The following UPP2 variants were observed in gnomAD, a reference collection of about 807,000 sequenced individuals.
The protein encoded by UPP2 is UPase 2.
A neutral mutation model predicts 26.7 loss-of-function variants in UPP2; 23 were observed. That is an observed-to-expected ratio of 0.86 (90% confidence interval 0.62 to 1.22). The LOEUF is 1.22. UPP2 is among the 50% of genes most tolerant of loss of function. The pLI is 0.00. For missense variants in UPP2, 387 were observed against 396.7 expected, an observed-to-expected ratio of 0.98 and a Z score of 0.21; for synonymous variants, 127 against 141.3, an observed-to-expected ratio of 0.90 and a Z score of 0.72.
chr2:158,095,916 A>G (rs1185917721), intron 3 of UPP2, among the ~76,000 whole-genome samples: 1 of 152,122 alleles, frequency 6.6e-6, no homozygotes, highest in African/African-American at 2.4e-5. Flanking sequence ...TTTATTTCCA[A>G]TGAAATAGCT....
intron 3 of UPP2, among the ~76,000 whole-genome samples, chr2:158,061,471 AG>A (rs1464944280): frequency 6.6e-6 from 1 of 152,232 alleles, no homozygotes; most frequent in Non-Finnish European, 1.5e-5. Context: ...AACACTGTGT[AG>A]CAGCATTGAC....
chr2:158,031,583 C>G (rs750935188), intron 3 of UPP2, among the ~76,000 whole-genome samples: 51 of 152,186 alleles, frequency 3.4e-4, no homozygotes, highest in Non-Finnish European at 4.9e-4. Flanking sequence ...CGAGCCAGCT[C>G]TATTCTAACA....
In UPP2 at chr2:158,123,858, A is replaced by AG; in HGVS notation, c.775dup (p.Val259GlyfsTer27). The AG allele has an allele frequency of 1.2e-6, 2 of 1,614,100 alleles. No individual in the cohort carries two copies. Among genetic ancestry groups the AG allele is most frequent in the Non-Finnish European group, 1.7e-6 (2 of 1,179,940 alleles). On this transcript the variant is annotated frameshift_variant, in exon 6 of 7. Coordinates refer to ENST00000005756, the MANE Select transcript of UPP2 (RefSeq NM_173355.4). LOFTEE classifies it low-confidence loss of function (END_TRUNC). ...TCAGGAATATTGAAATGGAATCTAC[A>AG]GTGTTTGCAGCTATGTGTGGACTCT...
At chr2:158,101,131 C>T (rs188277736), upstream of UPP2, among the ~76,000 whole-genome samples, 27 of 152,294 alleles carry the variant, frequency 1.8e-4, 1 homozygote, top group East Asian at 3.1e-3. Context: ...GTTCTTGAAG[C>T]TCTCACCAGC....
chr2:158,113,676 T>A (rs1683364636), intron 2 of UPP2, among the ~76,000 whole-genome samples: 1 of 152,230 alleles, frequency 6.6e-6, no homozygotes, highest in Non-Finnish European at 1.5e-5. Flanking sequence ...GAGTAAATCA[T>A]TTGTGAATGG....
intron 3 of UPP2, among the ~76,000 whole-genome samples, chr2:158,075,390 A>G (rs540608254): frequency 3.3e-5 from 5 of 152,166 alleles, no homozygotes; most frequent in Admixed American, 2.0e-4. Context: ...GCTGCAGAAT[A>G]CACATTTTTC....
chr2:158,027,822 T>C (rs535299087), intron 3 of UPP2, among the ~76,000 whole-genome samples: 3 of 152,304 alleles, frequency 2.0e-5, no homozygotes, highest in Non-Finnish European at 2.9e-5. Flanking sequence ...AATTCTTGAC[T>C]TCTGTGCACT....
At chr2:158,109,171 C>T (rs548655486) in intron 2 of UPP2, among the ~76,000 whole-genome samples, 18 of 152,080 alleles carry the variant, frequency 1.2e-4, no homozygotes, top group Non-Finnish European at 1.8e-4. Flanking sequence ...GGACATAATC[C>T]ATCAGTACCT....
chr2:158,101,657 T>C (rs1683077830), upstream of UPP2, among the ~76,000 whole-genome samples: 1 of 152,212 alleles, frequency 6.6e-6, no homozygotes, highest in Non-Finnish European at 1.5e-5. Flanking sequence ...CCATATACAG[T>C]TGTCTCAAAG....
At chr2:158,100,432 A>T (rs1486323022), upstream of UPP2, among the ~76,000 whole-genome samples, 1 of 152,240 alleles carries the variant, frequency 6.6e-6, no homozygotes, top group Non-Finnish European at 1.5e-5. Flanking sequence ...TCAAAGCCAG[A>T]GGTAAATGCC....
chr2:158,071,175 G>A (rs1033665239), intron 3 of UPP2, among the ~76,000 whole-genome samples: 3 of 152,136 alleles, frequency 2.0e-5, no homozygotes, highest in Admixed American at 6.5e-5. Flanking sequence ...AGGGCGGCAC[G>A]TGACCTAGGG....
chr2:158,038,385 GA>G (rs1281218977), intron 3 of UPP2, among the ~76,000 whole-genome samples: 1 of 152,216 alleles, frequency 6.6e-6, no homozygotes, highest in East Asian at 1.9e-4. Context: ...CAAAGAACCA[GA>G]TTGATAACCC....
At position 158,080,548 on chromosome 2, in the gene UPP2, G is replaced by C. The variant is rs564753028; in HGVS notation, c.148-21492G>C. ...ATTTATCCACACACTGATTATACCC[G>C]GAACAATGCATCATTTGGTATATTG... On this transcript the variant is annotated intron_variant, in intron 3 of 9. Transcript: ENST00000605860. 1.0e-3 allele frequency among the ~76,000 whole-genome samples: 158 copies of C among 152,188 alleles called. 1 individual carries two copies. Among genetic ancestry groups the C allele is most frequent in the African/African-American group, 3.6e-3 (149 of 41,534 alleles).
chr2:158,016,177 C>T (rs1435273207), intron 3 of UPP2, among the ~76,000 whole-genome samples: 1 of 149,952 alleles, frequency 6.7e-6, no homozygotes, highest in African/African-American at 2.5e-5. Flanking sequence ...TTCTTGATGT[C>T]AATTAAGAAA....
intron 3 of UPP2, among the ~76,000 whole-genome samples, chr2:158,073,987 C>A (rs1054502384): frequency 6.6e-6 from 1 of 152,116 alleles, no homozygotes; most frequent in Admixed American, 6.5e-5. Flanking sequence ...CCAGCTTGGG[C>A]AATGCAGTGA....
At chr2:158,058,419 CTG>C (rs70990632) in intron 3 of UPP2, among the ~76,000 whole-genome samples, 27,761 of 134,304 alleles carry the variant, frequency 0.21, 3,636 homozygotes, top group East Asian at 0.41. Flanking sequence ...TCCCCCCAAC[CTG>C]TGTGTGTGTG....
At chr2:158,129,656 C>A (rs1331061117) in intron 6 of UPP2, among the ~76,000 whole-genome samples, 1 of 150,302 alleles carries the variant, frequency 6.7e-6, no homozygotes, top group Non-Finnish European at 1.5e-5. Flanking sequence ...TTTAAAAAAG[C>A]ATTTGTGGCA....
intron 3 of UPP2, among the ~76,000 whole-genome samples, chr2:158,094,050 C>A (rs1250686138): frequency 1.3e-5 from 2 of 150,828 alleles, no homozygotes; most frequent in African/African-American, 4.9e-5. Context: ...ATACCATATA[C>A]ATACACACAC....
intron 3 of UPP2, among the ~76,000 whole-genome samples, chr2:158,068,784 ATATATATATATATATATATTTTTTTT>A (rs1416361029): frequency 4.5e-4 from 5 of 11,214 alleles, no homozygotes; most frequent in African/African-American, 1.1e-3. Flanking sequence ...ATATATATAT[ATATATATATATATATATATTTTTTTT>A]TTTTTTTTTT....
Sources: gnomAD v4.1 joint callset for allele counts (sites outside exome capture counted in the v4.1 genomes callset) on GRCh38, gnomAD v4.1.1 for gene constraint, MANE v1.5 for transcripts, NCBI Gene and HGNC (gene_info 2026-07-23, HGNC 2026-07-21) for gene names.